FITM1: variants seen among roughly 807,000 people sequenced by gnomAD.
FITM1 encodes fat storage-inducing transmembrane protein 1.
Under a neutral mutation model 22.2 loss-of-function variants are expected in FITM1, and 11 were observed. The ratio of observed to expected loss-of-function variants is 0.50; its 90% CI spans 0.31 to 0.82. The LOEUF is 0.82. FITM1 is among the 40% of genes least tolerant of loss of function. The pLI is 0.04. For missense variants in FITM1, 394 were observed against 386.4 expected, an observed-to-expected ratio of 1.02 and a Z score of -0.17; for synonymous variants, 164 against 174.0, an observed-to-expected ratio of 0.94 and a Z score of 0.45.
Position 24,131,365 on chromosome 14 carries a change from C to T in FITM1, c.-199C>T, listed in dbSNP as rs567048355. On this transcript the variant is annotated 5_prime_UTR_variant, in exon 1 of 2. Transcript: ENST00000267426. ...GACACATACTACCACACACCCGAGG[C>T]CAGGACCCTGCTGACGTGGCAGACC... 1.3e-5 allele frequency: 9 copies of T among 699,668 alleles called. No individual in the cohort carries two copies. The East Asian group carries it at 1.9e-4, about 15-fold the overall frequency. 43.3% of individuals were successfully genotyped at this position (699,668 alleles called of 1,614,324 possible). A position where few individuals can be genotyped will look rare whatever the true frequency, so the allele number is the denominator to read the frequency against.
Position 24,132,254 on chromosome 14 carries a change from G to A in FITM1, c.310G>A (p.Gly104Arg). ...SAWGWTCTFL[G>R]GFVLLVVFLA... is the part of the protein sequence containing the mutation. ...CTGGGGCTGGACATGCACTTTCTTA[G>A]GGGGCTTTGTGTTGCTGGTGGTGTT... The change falls in exon 2 of 2, where the codon GGG becomes AGG. Residue 104 changes from glycine (G) to arginine (R), a missense_variant. Transcript: ENST00000267426. 1.9e-6 allele frequency: 3 copies of A among 1,613,364 alleles called. No homozygotes were observed. Among genetic ancestry groups the A allele is most frequent in the Non-Finnish European group, 2.5e-6 (3 of 1,179,748 alleles).
In FITM1 at chr14:24,132,251, T is replaced by TTAG; in HGVS notation, c.308_310dup (p.Leu103_Gly104insVal). On this transcript the variant is annotated inframe_insertion, in exon 2 of 2. Coordinates refer to ENST00000267426, the MANE Select transcript of FITM1 (RefSeq NM_203402.3). ...AGCCTGGGGCTGGACATGCACTTTC[T>TTAG]TAGGGGGCTTTGTGTTGCTGGTGGT... is the stretch of plus-strand genomic sequence containing the variant. 1 of 1,613,384 alleles carries TTAG rather than the reference T, an allele frequency of 6.2e-7. No individual in the cohort carries two copies. Among genetic ancestry groups the TTAG allele is most frequent in the Non-Finnish European group, 8.5e-7 (1 of 1,179,736 alleles).
chr14:24,132,136 G>GT, intron 1 of FITM1, 75 bp from the exon 2 acceptor site: 1 of 1,568,298 alleles, frequency 6.4e-7, no homozygotes, highest in Non-Finnish European at 8.6e-7. Flanking sequence ...GTTGGGGAGA[G>GT]TGCAGTGATG....
rs867167637 is a variant in FITM1 at position 24,130,914 on chromosome 14, C to A, written c.-650C>A. 1.3e-5 allele frequency among the ~76,000 whole-genome samples: 2 copies of A among 152,192 alleles called. No homozygotes were observed. Among genetic ancestry groups the A allele is most frequent in the Non-Finnish European group, 2.9e-5 (2 of 68,042 alleles). On this transcript the variant is annotated 5_prime_UTR_variant, in exon 1 of 2. Transcript: ENST00000267426. The stretch of plus-strand genomic sequence containing the variant: ...CAGCAGCCCTGGGCCAAACTAGTCC[C>A]TTAGAGACCCTCAATCCAGACAGGA...
chr14:24,131,296 C>T lies in FITM1; in HGVS notation c.-268C>T. On this transcript the variant is annotated 5_prime_UTR_variant, in exon 1 of 2. Transcript: ENST00000267426. ...CACAGGAACTGGAACATGGTCGGAGCCAAGGACACAGGACTAACAGGAAAG... is the reference window on the plus strand; with the variant it reads ...CACAGGAACTGGAACATGGTCGGAGTCAAGGACACAGGACTAACAGGAAAG... The T allele has an allele frequency of 1.6e-6, 1 of 633,276 alleles. No individual in the cohort carries two copies. Among genetic ancestry groups the T allele is most frequent in the Non-Finnish European group, 2.9e-6 (1 of 348,028 alleles). The allele number at this position is 633,276 out of a possible 1,614,324, so 39.2% of individuals were successfully genotyped here. A position where few individuals can be genotyped will look rare whatever the true frequency, so the allele number is the denominator to read the frequency against.
rs778875280 is a variant in FITM1 at position 24,132,467 on chromosome 14, G to A, written c.523G>A (p.Gly175Ser). 21 of 1,604,752 alleles carry A rather than the reference G, an allele frequency of 1.3e-5. No homozygotes were observed. The highest frequency in any genetic ancestry group is 3.3e-5 in the South Asian group (3 of 91,080). ...LPDRRSCLAAGHQWRGYTVSS... is the reference protein window; with the variant it reads ...LPDRRSCLAASHQWRGYTVSS... ...TGACCGCCGCAGCTGCCTGGCAGCCGGCCACCAGTGGCGAGGCTACACCGT... is the reference window on the plus strand; with the variant it reads ...TGACCGCCGCAGCTGCCTGGCAGCCAGCCACCAGTGGCGAGGCTACACCGT... The change falls in exon 2 of 2, where the codon GGC becomes AGC. Residue 175 changes from glycine (G) to serine (S), a missense_variant. Gly to Ser is a moderately conservative substitution (Grantham distance 56). Transcript: ENST00000267426.
rs976383637 is a variant in FITM1, at chr14:24,132,295, C to T, written c.351C>T (p.Arg117=). 5.8e-5 allele frequency: 94 copies of T among 1,613,812 alleles called. No homozygotes were observed. The highest frequency in any genetic ancestry group is 7.5e-5 in the Non-Finnish European group (89 of 1,179,926). ...TGGTGGTGTTCCTGGCTACACGGCGCGTGGCAGTAACTGCCAGACACCTGA... is the reference window on the plus strand; with the variant it reads ...TGGTGGTGTTCCTGGCTACACGGCGTGTGGCAGTAACTGCCAGACACCTGA... ...VLLVVFLATR[R]VAVTARHLSR... is the part of the protein sequence containing the mutation. The change falls in exon 2 of 2, where the codon CGC becomes CGT. Residue 117 remains arginine, a synonymous_variant. Coordinates refer to ENST00000267426, the MANE Select transcript of FITM1 (RefSeq NM_203402.3).
At position 24,132,521 on chromosome 14, in the gene FITM1, T is replaced by G; in HGVS notation, c.577T>G (p.Cys193Gly). ...CTCCCACACCTTCCTGCTCACCTTT[T>G]GCTGCCTGCTCATGGCAGAGGAAGC... ...VSSHTFLLTF[C>G]CLLMAEEAAV... Residue 193 changes from cysteine to glycine, a missense_variant, in exon 2 of 2, where the codon TGC (cysteine) becomes GGC (glycine). Transcript: ENST00000267426. 6.2e-7 allele frequency: 1 copy of G among 1,604,092 alleles called. No individual in the cohort carries two copies.
rs371019561 is a variant in FITM1 at position 24,131,602 on chromosome 14, C to A, written c.39C>A (p.Ala13=). The A allele has an allele frequency of 3.1e-6, 5 of 1,605,728 alleles. No individual in the cohort carries two copies. The South Asian group carries it at 5.5e-5, about 18-fold the overall frequency. Residue 13 remains alanine, a synonymous_variant, in exon 1 of 2, where the codon GCC becomes GCA. Transcript: ENST00000267426. The part of the protein sequence containing the change: ...RGPVVGAGLG[A]GARIQALLGC... Reference sequence around the variant, plus strand: ...CGGTGGTGGGGGCAGGACTGGGGGCCGGGGCCCGAATCCAGGCACTGCTGG... The same window carrying A: ...CGGTGGTGGGGGCAGGACTGGGGGCAGGGGCCCGAATCCAGGCACTGCTGG...
Position 24,132,350 on chromosome 14 carries a change from C to T in FITM1, c.406C>T (p.Arg136Trp), listed in dbSNP as rs141438303. 6 of 1,613,812 alleles carry T rather than the reference C, an allele frequency of 3.7e-6. No individual in the cohort carries two copies. Among genetic ancestry groups the T allele is most frequent in the Non-Finnish European group, 5.1e-6 (6 of 1,180,004 alleles). Residue 136 changes from arginine (R) to tryptophan (W), a missense_variant, in exon 2 of 2, where the codon CGG (arginine) becomes TGG (tryptophan). Coordinates refer to ENST00000267426, the MANE Select transcript of FITM1 (RefSeq NM_203402.3). ...SRLVVGAAVW[R>W]GAGRAFLLIE... is the part of the protein sequence containing the mutation. ...ACTGGTAGTAGGGGCAGCCGTGTGG[C>T]GGGGAGCCGGCCGGGCCTTCCTGCT...
chr14:24,131,677 T>C lies in FITM1; in HGVS notation c.114T>C (p.Phe38=), dbSNP rs1339227530. The C allele has an allele frequency of 1.2e-6, 2 of 1,614,124 alleles. No homozygotes were observed. The highest frequency in any genetic ancestry group is 8.5e-7 in the Non-Finnish European group (1 of 1,180,038). ...GGGTGGCCTCTGCCTTGCTGTACTTTGGAAGCGAACAGGCCGCCCGCCTTC... is the reference window on the plus strand; with the variant it reads ...GGGTGGCCTCTGCCTTGCTGTACTTCGGAAGCGAACAGGCCGCCCGCCTTC... ...LLWVASALLY[F]GSEQAARLLG... Residue 38 remains phenylalanine (F), a synonymous_variant, in exon 1 of 2, where the codon TTT becomes TTC. Transcript: ENST00000267426.
At chr14:24,132,132 G>GA (rs1566598589) in intron 1 of FITM1, 79 bp from the exon 2 acceptor site, 19 of 1,559,476 alleles carry the variant, frequency 1.2e-5, no homozygotes, top group Non-Finnish European at 1.6e-5. Context: ...TAGGGTTGGG[G>GA]AGAGTGCAGT....
intron 1 of FITM1, 32 bp from the exon 2 acceptor site, chr14:24,132,179 G>A: frequency 1.2e-6 from 2 of 1,601,364 alleles, no homozygotes; most frequent in Non-Finnish European, 1.7e-6. Flanking sequence ...ATGGAGCTTG[G>A]GGTCTCAATA....
chr14:24,132,599 C>A lies in FITM1; in HGVS notation c.655C>A (p.Arg219Ser), dbSNP rs570159546. 2 of 1,611,334 alleles carry A rather than the reference C, an allele frequency of 1.2e-6. No individual in the cohort carries two copies. Among genetic ancestry groups the A allele is most frequent in the Admixed American group, 3.3e-5 (2 of 60,012 alleles). The part of the protein sequence containing the change: ...AHGLPAGAPL[R>S]LVFLLNVLLL... Reference sequence around the variant, plus strand: ...TGGGCTTCCTGCCGGCGCCCCACTGCGCCTTGTCTTCCTGCTGAACGTGCT... The same window carrying A: ...TGGGCTTCCTGCCGGCGCCCCACTGAGCCTTGTCTTCCTGCTGAACGTGCT... The change falls in exon 2 of 2, where the codon CGC (arginine) becomes AGC (serine). Residue 219 changes from arginine to serine, a missense_variant. Physicochemically the swap from Arg to Ser is moderately radical, Grantham distance 110. Coordinates refer to ENST00000267426, the MANE Select transcript of FITM1 (RefSeq NM_203402.3).
rs149171272 is a variant in FITM1, at chr14:24,132,294, G to A, written c.350G>A (p.Arg117His). 3.5e-4 allele frequency: 567 copies of A among 1,613,940 alleles called. No individual in the cohort carries two copies. Among genetic ancestry groups the A allele is most frequent in the African/African-American group, 2.0e-3 (152 of 75,024 alleles). ...VLLVVFLATR[R>H]VAVTARHLSR... ...CTGGTGGTGTTCCTGGCTACACGGCGCGTGGCAGTAACTGCCAGACACCTG... is the reference window on the plus strand; with the variant it reads ...CTGGTGGTGTTCCTGGCTACACGGCACGTGGCAGTAACTGCCAGACACCTG... The change falls in exon 2 of 2, where the codon CGC becomes CAC. Residue 117 changes from arginine (R) to histidine (H), a missense_variant. Physicochemically the swap from Arg to His is conservative, Grantham distance 29 (BLOSUM62 0). Transcript: ENST00000267426.
rs1388065825 is a variant in FITM1 at position 24,132,567 on chromosome 14, T to C, written c.623T>C (p.Leu208Pro). The C allele has an allele frequency of 8.1e-6, 13 of 1,608,008 alleles. No individual in the cohort carries two copies. The highest frequency in any genetic ancestry group is 9.3e-6 in the Non-Finnish European group (11 of 1,180,014). Residue 208 changes from leucine (L) to proline (P), a missense_variant, in exon 2 of 2, where the codon CTG becomes CCG. Leu to Pro is a moderately conservative substitution (Grantham distance 98). Transcript: ENST00000267426. ...GAAGCAGCTGTGTTCGCCAAGTACC[T>C]GGCCCATGGGCTTCCTGCCGGCGCC... is the stretch of plus-strand genomic sequence containing the variant. ...AEEAAVFAKY[L>P]AHGLPAGAPL...
chr14:24,131,941 T>C, intron 1 of FITM1, 112 bp downstream of exon 1: 1 of 1,446,152 alleles, frequency 6.9e-7, no homozygotes, highest in African/African-American at 1.4e-5. Context: ...GGCTAGGAGG[T>C]TGAGGAAAAG....
chr14:24,131,449 G>T lies in FITM1; in HGVS notation c.-115G>T. 2.8e-6 allele frequency: 3 copies of T among 1,069,332 alleles called. No homozygotes were observed. In the East Asian group the frequency reaches 7.7e-5, roughly 28 times the overall value. The allele number at this position is 1,069,332 out of a possible 1,614,324, so 66.2% of individuals were successfully genotyped here. ...TCCCCCACCTGCCAGCTGCCAACAG[G>T]GCTCTGCCTTGTGTCTGCCACACCT... On this transcript the variant is annotated 5_prime_UTR_variant, in exon 1 of 2. Transcript: ENST00000267426.
intron 1 of FITM1, 30 bp from the exon 2 acceptor site, chr14:24,132,181 G>A: frequency 1.2e-6 from 2 of 1,603,236 alleles, no homozygotes; most frequent in South Asian, 1.1e-5. Flanking sequence ...GGAGCTTGGG[G>A]TCTCAATAGT....
Sources: gnomAD v4.1 joint callset for allele counts (sites outside exome capture counted in the v4.1 genomes callset) on GRCh38, gnomAD v4.1.1 for gene constraint, MANE v1.5 for transcripts, NCBI Gene and HGNC (gene_info 2026-07-23, HGNC 2026-07-21) for gene names.